CANT1: variants seen among roughly 807,000 people sequenced by gnomAD.
CANT1 encodes the protein calcium activated nucleotidase 1.
Under a neutral mutation model 30.0 loss-of-function variants are expected in CANT1, and 26 were observed. That is an observed-to-expected ratio of 0.87 (90% CI 0.64 to 1.20). The LOEUF is 1.20. Among genes scored for constraint, CANT1 ranks in the 50% most tolerant of loss-of-function variants. The pLI is 0.00. For missense variants in CANT1, 518 were observed against 563.0 expected, an observed-to-expected ratio of 0.92 and a Z score of 0.81; for synonymous variants, 246 against 251.8, an observed-to-expected ratio of 0.98 and a Z score of 0.22.
At chr17:79,001,733 G>T (rs1460321249) in intron 1 of CANT1, among the ~76,000 whole-genome samples, 1 of 152,076 alleles carries the variant, frequency 6.6e-6, no homozygotes, top group East Asian at 1.9e-4. Context: ...CTCTCTGTGG[G>T]CCTCCTCCCA....
At chr17:78,994,029 C>A (rs2070937804) in intron 4 of CANT1, 109 bp from the exon 5 acceptor site, 2 of 1,402,826 alleles carry the variant, frequency 1.4e-6, no homozygotes, top group East Asian at 5.0e-5. Flanking sequence ...CACCAGGGCC[C>A]ACCAGCTCAC....
Position 78,995,656 on chromosome 17 carries a change from A to G in CANT1, c.632-435T>C, listed in dbSNP as rs887274688. On this transcript the variant is annotated intron_variant, in intron 3 of 4. Coordinates refer to ENST00000392446, the MANE Select transcript of CANT1 (RefSeq NM_001159773.2). This position sits in a 1 kb window ranked among gnomAD's most constrained non-coding sequence, Gnocchi z 5.7. ...TGCTGGGGCTCCCAGTCTTCCTTTC[A>G]ATGGATTTGTTCAGAAGCTGTTTTT... 1.3e-5 allele frequency among the ~76,000 whole-genome samples: 2 copies of G among 152,128 alleles called. No homozygotes were observed. Among genetic ancestry groups the G allele is most frequent in the Non-Finnish European group, 2.9e-5 (2 of 68,016 alleles).
In CANT1 at chr17:78,992,832, A is replaced by C; in HGVS notation, c.*718T>G. The C allele has an allele frequency of 5.1e-6, 2 of 392,070 alleles. No homozygotes were observed. The highest frequency in any genetic ancestry group is 3.4e-4 in the Middle Eastern group (1 of 2,962). 24.3% of individuals were successfully genotyped at this position (392,070 alleles called of 1,614,324 possible). A position where few individuals can be genotyped will look rare whatever the true frequency, so the allele number is the denominator to read the frequency against. ...ATTTGGTGATTCCACTTTATAAGAA[A>C]GGAAACTGCTTTAATTAAAGCAGGT... On this transcript the variant is annotated 3_prime_UTR_variant, in exon 5 of 5. Coordinates refer to ENST00000392446, the MANE Select transcript of CANT1 (RefSeq NM_001159773.2).
rs1465414330 is a variant in CANT1, at chr17:79,008,265, G to C, written c.-147+1399C>G. On this transcript the variant is annotated intron_variant, in intron 1 of 4. Coordinates refer to ENST00000392446, the MANE Select transcript of CANT1 (RefSeq NM_001159773.2). This position sits in a 1 kb window ranked among gnomAD's most constrained non-coding sequence, Gnocchi z 4.4. ...GGCTCCAGCCAGACTGTCCTGCTGA[G>C]AGGCCTGCGGTGGGGCTGCAGGGAG... The C allele has an allele frequency of 1.3e-5, 2 of 152,486 alleles. No individual in the cohort carries two copies. The highest frequency in any genetic ancestry group is 6.5e-5 in the Admixed American group (1 of 15,294). The allele number at this position is 152,486 out of a possible 1,614,324, so 9.4% of individuals were successfully genotyped here. A position where few individuals can be genotyped will look rare whatever the true frequency, so the allele number is the denominator to read the frequency against.
In CANT1 at chr17:78,996,948, C is replaced by G. The variant is rs1339621437; in HGVS notation, c.631+44G>C. 4 of 1,610,776 alleles carry G rather than the reference C, an allele frequency of 2.5e-6. No individual in the cohort carries two copies. Among genetic ancestry groups the G allele is most frequent in the Non-Finnish European group, 3.4e-6 (4 of 1,179,842 alleles). The stretch of plus-strand genomic sequence containing the variant: ...TGTTTGCCAGCCAGGCCCTGAGCTC[C>G]CACTCCCCACCCACACCTCCATAAA... On this transcript the variant is annotated intron_variant, in intron 3 of 4. Coordinates refer to ENST00000392446, the MANE Select transcript of CANT1 (RefSeq NM_001159773.2). This position sits in a 1 kb window ranked among gnomAD's most constrained non-coding sequence, Gnocchi z 5.1.
At position 79,009,667 on chromosome 17, in the gene CANT1, C is replaced by T. The variant is rs2071680586; in HGVS notation, c.-150G>A. ...GGCCGCGGGCGCAGTCACTCACCCG[C>T]TGCGGGGCTGGCTCCGGTGCCCGCG... On this transcript the variant is annotated 5_prime_UTR_variant, in exon 1 of 5. Coordinates refer to ENST00000392446, the MANE Select transcript of CANT1 (RefSeq NM_001159773.2). The T allele has an allele frequency of 6.6e-6, 1 of 152,092 alleles. No homozygotes were observed. Among genetic ancestry groups the T allele is most frequent in the Non-Finnish European group, 1.5e-5 (1 of 67,984 alleles). 9.4% of individuals were successfully genotyped at this position (152,092 alleles called of 1,614,324 possible).
Position 78,993,993 on chromosome 17 carries a change from C to A in CANT1, c.836-73G>T. The A allele has an allele frequency of 6.7e-7, 1 of 1,501,056 alleles. No individual in the cohort carries two copies. The highest frequency in any genetic ancestry group is 8.9e-7 in the Non-Finnish European group (1 of 1,127,172). The allele number at this position is 1,501,056 out of a possible 1,614,324, so 93.0% of individuals were successfully genotyped here. A position where few individuals can be genotyped will look rare whatever the true frequency, so the allele number is the denominator to read the frequency against. On this transcript the variant is annotated intron_variant, in intron 4 of 4. Transcript: ENST00000392446. This position sits in a 1 kb window ranked among gnomAD's most constrained non-coding sequence, Gnocchi z 4.5. ...CCCAGCCCCACACCATCAGGCCGTGCGCAGTAGCAGGCAAGGGGCTGCGAC... is the reference window on the plus strand; with the variant it reads ...CCCAGCCCCACACCATCAGGCCGTGAGCAGTAGCAGGCAAGGGGCTGCGAC...
intron 1 of CANT1, among the ~76,000 whole-genome samples, chr17:78,999,628 A>C (rs911670332): frequency 5.7e-5 from 8 of 140,944 alleles, no homozygotes; most frequent in Admixed American, 2.9e-4. Context: ...GGCGTGTGCC[A>C]CCACGCACAG....
At chr17:79,001,799 C>T (rs906076359) in intron 1 of CANT1, among the ~76,000 whole-genome samples, 1 of 152,114 alleles carries the variant, frequency 6.6e-6, no homozygotes, top group African/African-American at 2.4e-5. Context: ...CCAGGGCCTG[C>T]CCTCTAAGGT....
chr17:78,998,118 C>T lies in CANT1; in HGVS notation c.-146-155G>A, dbSNP rs369028332. The T allele has an allele frequency of 3.2e-5, 6 of 185,746 alleles. No individual in the cohort carries two copies. The highest frequency in any genetic ancestry group is 1.8e-4 in the East Asian group (2 of 11,310). 11.5% of individuals were successfully genotyped at this position (185,746 alleles called of 1,614,324 possible). On this transcript the variant is annotated intron_variant, in intron 1 of 4. Coordinates refer to ENST00000392446, the MANE Select transcript of CANT1 (RefSeq NM_001159773.2). This position sits in a 1 kb window ranked among gnomAD's most constrained non-coding sequence, Gnocchi z 4.5. ...CTGCCCTGCTGCAGACATCACCCTC[C>T]GTCCCTGGGTCCTTGGCCCTTGTCC... is the stretch of plus-strand genomic sequence containing the variant.
intron 1 of CANT1, among the ~76,000 whole-genome samples, chr17:79,001,583 G>A (rs1302092444): frequency 5.9e-5 from 2 of 33,662 alleles, no homozygotes; most frequent in East Asian, 5.9e-4. Context: ...AGGCCCCCTC[G>A]CCCACCATGG....
At chr17:78,994,341 C>G (rs554111891) in intron 4 of CANT1, among the ~76,000 whole-genome samples, 19 of 152,328 alleles carry the variant, frequency 1.2e-4, no homozygotes, top group African/African-American at 4.6e-4. Flanking sequence ...GTCACTTCCT[C>G]CTGAACCTCA....
At chr17:79,000,827 G>A (rs548582816) in intron 1 of CANT1, among the ~76,000 whole-genome samples, 10 of 152,132 alleles carry the variant, frequency 6.6e-5, no homozygotes, top group Non-Finnish European at 1.0e-4. Flanking sequence ...ATGCCGCTCC[G>A]GCTCTCCCAC....
chr17:78,995,277 C>G lies in CANT1; in HGVS notation c.632-56G>C. ...ACCCAGCTCCCGCCGCACCCCTGCACCTGGCTCCCACCCGGCCCCGCACCT... is the reference window on the plus strand; with the variant it reads ...ACCCAGCTCCCGCCGCACCCCTGCAGCTGGCTCCCACCCGGCCCCGCACCT... On this transcript the variant is annotated intron_variant, in intron 3 of 4. Coordinates refer to ENST00000392446, the MANE Select transcript of CANT1 (RefSeq NM_001159773.2). This position sits in a 1 kb window ranked among gnomAD's most constrained non-coding sequence, Gnocchi z 5.7. 1.3e-6 allele frequency: 2 copies of G among 1,568,776 alleles called. No individual in the cohort carries two copies. Among genetic ancestry groups the G allele is most frequent in the Non-Finnish European group, 1.7e-6 (2 of 1,152,118 alleles).
rs898048239 is a variant in CANT1, at chr17:78,998,230, G to C, written c.-146-267C>G. The stretch of plus-strand genomic sequence containing the variant: ...TATCCTGGCTCCTAGAACAGTGCCT[G>C]GCCTGGAGCAGACAGATGTGCAGTA... On this transcript the variant is annotated intron_variant, in intron 1 of 4. Coordinates refer to ENST00000392446, the MANE Select transcript of CANT1 (RefSeq NM_001159773.2). The surrounding 1 kb of genome is among the most constrained non-coding windows in gnomAD (Gnocchi z 4.5). The C allele has an allele frequency of 6.1e-6, 1 of 164,942 alleles. No individual in the cohort carries two copies. Among genetic ancestry groups the C allele is most frequent in the African/African-American group, 2.4e-5 (1 of 41,832 alleles). The allele number at this position is 164,942 out of a possible 1,614,324, so 10.2% of individuals were successfully genotyped here. A position where few individuals can be genotyped will look rare whatever the true frequency, so the allele number is the denominator to read the frequency against.
intron 1 of CANT1, among the ~76,000 whole-genome samples, chr17:79,001,506 G>A (rs970496732): frequency 2.6e-5 from 4 of 152,080 alleles, no homozygotes; most frequent in Non-Finnish European, 4.4e-5. Flanking sequence ...AATAAATGGC[G>A]AATCTGTTAA....
chr17:78,998,535 C>A lies in CANT1; in HGVS notation c.-146-572G>T, dbSNP rs986233325. Among the ~76,000 whole-genome samples the A allele has an allele frequency of 6.6e-6, 1 of 152,254 alleles. No homozygotes were observed. Among genetic ancestry groups the A allele is most frequent in the African/African-American group, 2.4e-5 (1 of 41,476 alleles). Reference sequence around the variant, plus strand: ...GGCCTCTCCCAGCTCACCCTCCACCCCAGGCGTGGCTCTGTGGCAGAGCCC... The same window carrying A: ...GGCCTCTCCCAGCTCACCCTCCACCACAGGCGTGGCTCTGTGGCAGAGCCC... On this transcript the variant is annotated intron_variant, in intron 1 of 4. Transcript: ENST00000392446. The surrounding 1 kb of genome is among the most constrained non-coding windows in gnomAD (Gnocchi z 4.5).
chr17:79,003,590 A>G (rs1175659379), intron 1 of CANT1, among the ~76,000 whole-genome samples: 1 of 152,170 alleles, frequency 6.6e-6, no homozygotes, highest in African/African-American at 2.4e-5. Context: ...CTCAAAGCTT[A>G]AGCAGTTTAA....
intron 1 of CANT1, among the ~76,000 whole-genome samples, chr17:78,999,518 G>C (rs1042261070): frequency 6.6e-6 from 1 of 151,984 alleles, no homozygotes; most frequent in Admixed American, 6.6e-5. Flanking sequence ...ATAGGGCCTC[G>C]CTCTGTTGCC....
Sources: gnomAD v4.1 joint callset for allele counts (sites outside exome capture counted in the v4.1 genomes callset) on GRCh38, gnomAD v4.1.1 for gene constraint, Gnocchi (gnomAD v3.1) non-coding constraint, MANE v1.5 for transcripts, NCBI Gene and HGNC (gene_info 2026-07-23, HGNC 2026-07-21) for gene names.